The following RIMS2 variants were observed in gnomAD, a reference collection of about 807,000 sequenced individuals.
RIMS2 encodes the protein regulating synaptic membrane exocytosis protein 2.
A neutral mutation model predicts 174.4 loss-of-function variants in RIMS2; 59 were observed. That is an observed-to-expected ratio of 0.34 (90% CI 0.27 to 0.42). The LOEUF (loss-of-function observed/expected upper bound fraction) is 0.42, where lower values mean the gene tolerates loss of function less well. Ranked by LOEUF, RIMS2 falls within the 10% of genes least tolerant of loss-of-function variation. The pLI, the probability that RIMS2 is intolerant of heterozygous loss-of-function variation, is 1.00. For missense variants in RIMS2, 1,620 were observed against 1,666.3 expected (o/e 0.97, Z 0.48); for synonymous variants, 606 against 572.5 (o/e 1.06, Z -0.84).
At position 103,814,321 on chromosome 8, in the gene RIMS2, G is replaced by A. The variant is rs139105242; in HGVS notation, c.698+47784G>A. Among the ~76,000 whole-genome samples, 710 of 147,938 alleles carry A rather than the reference G, an allele frequency of 4.8e-3. 8 individuals carry two copies. The highest frequency in any genetic ancestry group is 0.017 in the African/African-American group (687 of 39,844). ...GTACTATGCGTGATATCTGGATGAT[G>A]AAATAATCTGTACAACTGTTTGAAA... is the stretch of plus-strand genomic sequence containing the variant. On this transcript the variant is annotated intron_variant, in intron 3 of 23. Transcript: ENST00000504942.
At chr8:104,069,463 C>CTTTTTTTTTTTTTT (rs71297250) in intron 19 of RIMS2, among the ~76,000 whole-genome samples, 2 of 91,962 alleles carry the variant, frequency 2.2e-5, no homozygotes, top group African/African-American at 4.1e-5. Context: ...ATTAATTGTT[C>CTTTTTTTTTTTTTT]TTTTTTTTTT....
Position 104,045,443 on chromosome 8 carries a change from A to T in RIMS2, c.3334+30828A>T, listed in dbSNP as rs1023852300. Reference sequence around the variant, plus strand: ...ATGAAATTTCATATGACAATTTTTTAAAATAATTGTTAAACAAGTCTAATA... The same window carrying T: ...ATGAAATTTCATATGACAATTTTTTTAAATAATTGTTAAACAAGTCTAATA... On this transcript the variant is annotated intron_variant, in intron 19 of 23. Coordinates refer to ENST00000504942, the Ensembl canonical transcript of RIMS2. Among the ~76,000 whole-genome samples, 4 of 151,996 alleles carry T rather than the reference A, an allele frequency of 2.6e-5. No homozygotes were observed. In the East Asian group the frequency reaches 7.7e-4, roughly 29 times the overall value.
At chr8:103,758,399 G>A (rs563207797) in intron 2 of RIMS2, among the ~76,000 whole-genome samples, 1 of 152,256 alleles carries the variant, frequency 6.6e-6, no homozygotes, top group African/African-American at 2.4e-5. Flanking sequence ...AGTCTGTGGA[G>A]GCTTTGTTCA....
intron 19 of RIMS2, among the ~76,000 whole-genome samples, chr8:104,017,063 A>G (rs986348382): frequency 1.3e-5 from 2 of 152,010 alleles, no homozygotes; most frequent in African/African-American, 4.8e-5. Context: ...TGTTTTATAT[A>G]AAAGTATGGA....
chr8:103,979,754 A>G (rs1471298242), intron 16 of RIMS2, among the ~76,000 whole-genome samples: 3 of 152,210 alleles, frequency 2.0e-5, no homozygotes, highest in Non-Finnish European at 4.4e-5. Flanking sequence ...GTTGTTCAAC[A>G]TGGAGAGTCT....
At chr8:104,073,146 C>T (rs1178453072) in intron 19 of RIMS2, among the ~76,000 whole-genome samples, 1 of 151,902 alleles carries the variant, frequency 6.6e-6, no homozygotes, top group Admixed American at 6.6e-5. Context: ...TATGGTTCAC[C>T]ACAGGTCAAC....
intron 1 of RIMS2, among the ~76,000 whole-genome samples, chr8:103,596,467 A>C (rs551747264): frequency 2.0e-5 from 3 of 152,058 alleles, no homozygotes; most frequent in African/African-American, 4.8e-5. Flanking sequence ...CTGAATTACC[A>C]TGTGGTGAAT....
intron 19 of RIMS2, among the ~76,000 whole-genome samples, chr8:104,238,924 C>G (rs546446532): frequency 1.2e-3 from 187 of 152,322 alleles, no homozygotes; most frequent in Non-Finnish European, 1.4e-3. Flanking sequence ...AATGTAAAGT[C>G]AGTTTTCATA....
chr8:104,017,296 G>A (rs1054991089), intron 19 of RIMS2, among the ~76,000 whole-genome samples: 21 of 151,512 alleles, frequency 1.4e-4, no homozygotes, highest in Non-Finnish European at 2.5e-4. Context: ...TAATTTAATG[G>A]CATTATTTTA....
intron 3 of RIMS2, among the ~76,000 whole-genome samples, chr8:103,851,864 T>C (rs1307064492): frequency 6.6e-6 from 1 of 151,970 alleles, no homozygotes; most frequent in East Asian, 1.9e-4. Context: ...GAAAATGAAT[T>C]GCACTTTTAG....
intron 2 of RIMS2, among the ~76,000 whole-genome samples, chr8:103,699,548 G>T (rs563712105): frequency 1.6e-3 from 237 of 151,896 alleles, no homozygotes; most frequent in Non-Finnish European, 2.7e-3. Flanking sequence ...TTGTTTTATT[G>T]ATTTTTCTTT....
At position 103,711,654 on chromosome 8, in the gene RIMS2, G is replaced by A. The variant is rs528567191; in HGVS notation, c.387+14358G>A. Among the ~76,000 whole-genome samples the A allele has an allele frequency of 1.3e-4, 20 of 152,140 alleles. 1 individual carries two copies. In the South Asian group the frequency reaches 3.5e-3, roughly 27 times the overall value. ...TCAACCCTGTAATCACAGCACTTTC[G>A]GAGGCCAAGGTGGGGTGGATTTCTT... On this transcript the variant is annotated intron_variant, in intron 2 of 23. Coordinates refer to ENST00000504942, the Ensembl canonical transcript of RIMS2.
intron 2 of RIMS2, among the ~76,000 whole-genome samples, chr8:103,756,630 T>C (rs1047750361): frequency 2.0e-5 from 3 of 152,014 alleles, no homozygotes; most frequent in African/African-American, 7.3e-5. Context: ...TTTGCCATGT[T>C]GCCCAGGCTG....
chr8:104,012,315 A>G (rs933415191), intron 17 of RIMS2, among the ~76,000 whole-genome samples: 4 of 151,432 alleles, frequency 2.6e-5, no homozygotes, highest in Admixed American at 2.0e-4. Context: ...ATTGTTTGCC[A>G]TATAATTCAT....
chr8:103,915,129 G>T (rs574471424), intron 6 of RIMS2, among the ~76,000 whole-genome samples: 2 of 151,894 alleles, frequency 1.3e-5, no homozygotes, highest in South Asian at 4.1e-4. Flanking sequence ...TTGTATTAAA[G>T]TATTTACATC....
intron 3 of RIMS2, among the ~76,000 whole-genome samples, chr8:103,767,219 C>T (rs559025932): frequency 1.3e-3 from 197 of 149,364 alleles, no homozygotes; most frequent in African/African-American, 4.4e-3. Flanking sequence ...GATGGAGTCT[C>T]GCTCTGTCAT....
intron 3 of RIMS2, among the ~76,000 whole-genome samples, chr8:103,815,078 A>T (rs1362520628): frequency 6.6e-6 from 1 of 152,192 alleles, no homozygotes. Context: ...GTGTATCAAA[A>T]AGTATAAATG....
intron 19 of RIMS2, among the ~76,000 whole-genome samples, chr8:104,151,844 C>G (rs1342196073): frequency 6.6e-6 from 1 of 152,014 alleles, no homozygotes; most frequent in African/African-American, 2.4e-5. Context: ...AGACAATGCC[C>G]TGTGGAAGAT....
chr8:103,615,213 A>G (rs901343136), intron 1 of RIMS2, among the ~76,000 whole-genome samples: 2 of 152,220 alleles, frequency 1.3e-5, no homozygotes, highest in African/African-American at 4.8e-5. Context: ...ATAAAAATAG[A>G]AGTCAAGACT....
Sources: gnomAD v4.1 joint callset for allele counts (sites outside exome capture counted in the v4.1 genomes callset) on GRCh38, gnomAD v4.1.1 for gene constraint, MANE v1.5 for transcripts, NCBI Gene and HGNC (gene_info 2026-07-23, HGNC 2026-07-21) for gene names.